The following RAG1 variants were observed in gnomAD, a reference collection of about 807,000 sequenced individuals.
RAG1 encodes the protein recombination activating 1, also known as V(D)J recombination-activating protein 1.
A neutral mutation model predicts 62.7 loss-of-function variants in RAG1; 35 were observed. The observed-to-expected ratio is 0.56, with a 90% CI of 0.43 to 0.74. The LOEUF is 0.74. Ranked by LOEUF, RAG1 falls within the 30% of genes least tolerant of loss-of-function variation. The probability of loss-of-function intolerance (pLI) is 0.00; values close to 1 mark genes in which losing one functional copy is unlikely to be tolerated. For missense variants in RAG1, 1,169 were observed against 1,278.6 expected, an observed-to-expected ratio of 0.91 and a Z score of 1.31; for synonymous variants, 461 against 470.3, an observed-to-expected ratio of 0.98 and a Z score of 0.26.
chr11:36,522,036 T>C (rs1451515762), intron 2 of RAG1, among the ~76,000 whole-genome samples: 2 of 152,114 alleles, frequency 1.3e-5, no homozygotes, highest in African/African-American at 4.8e-5. Context: ...GCATAAAAGT[T>C]TGGAAAATTT....
At chr11:36,514,575 G>A (rs1163127809) in intron 1 of RAG1, among the ~76,000 whole-genome samples, 3 of 152,220 alleles carry the variant, frequency 2.0e-5, no homozygotes, top group Non-Finnish European at 2.9e-5. Context: ...TGTAGAATCA[G>A]TGGGATTTCT....
intron 3 of RAG1, among the ~76,000 whole-genome samples, chr11:36,548,420 A>G (rs1221204050): frequency 6.6e-6 from 1 of 152,240 alleles, no homozygotes; most frequent in African/African-American, 2.4e-5. Flanking sequence ...AACTTCAGCA[A>G]AGTCTCGGGA....
intron 2 of RAG1, among the ~76,000 whole-genome samples, chr11:36,535,049 G>C (rs977271866): frequency 6.6e-6 from 1 of 152,128 alleles, no homozygotes; most frequent in Non-Finnish European, 1.5e-5. Flanking sequence ...CTGGAGGATT[G>C]TTCCATAAAA....
At chr11:36,559,935 G>A (rs900506882) in intron 3 of RAG1, among the ~76,000 whole-genome samples, 22 of 152,116 alleles carry the variant, frequency 1.4e-4, no homozygotes, top group Non-Finnish European at 2.4e-4. Flanking sequence ...GCTTTTTCAC[G>A]TTTCTTGTGT....
At chr11:36,542,211 T>A (rs1850317030) in intron 3 of RAG1, among the ~76,000 whole-genome samples, 1 of 152,188 alleles carries the variant, frequency 6.6e-6, no homozygotes, top group African/African-American at 2.4e-5. Flanking sequence ...CTACTACCAT[T>A]TGATATCATA....
chr11:36,578,622 A>C lies in RAG1; in HGVS notation c.*2186A>C, dbSNP rs1376086779. On this transcript the variant is annotated 3_prime_UTR_variant, in exon 2 of 2. Coordinates refer to ENST00000299440, the MANE Select transcript of RAG1 (RefSeq NM_000448.3). Reference sequence around the variant, plus strand: ...ACACTGTAGGAACTATTTTGAATGCATGTGACTAAGAGCATGATTTATAGC... The same window carrying C: ...ACACTGTAGGAACTATTTTGAATGCCTGTGACTAAGAGCATGATTTATAGC... 6.0e-6 allele frequency: 1 copy of C among 166,988 alleles called. No homozygotes were observed. Among genetic ancestry groups the C allele is most frequent in the Non-Finnish European group, 1.5e-5 (1 of 68,120 alleles). The allele number at this position is 166,988 out of a possible 1,614,324, so 10.3% of individuals were successfully genotyped here. A position where few individuals can be genotyped will look rare whatever the true frequency, so the allele number is the denominator to read the frequency against.
At position 36,550,840 on chromosome 11, in the gene RAG1, A is replaced by G. The variant is rs939013501; in HGVS notation, c.-411-12545A>G. 3.3e-5 allele frequency among the ~76,000 whole-genome samples: 5 copies of G among 152,062 alleles called. No individual in the cohort carries two copies. The South Asian group carries it at 6.2e-4, about 19-fold the overall frequency. The stretch of plus-strand genomic sequence containing the variant: ...AGAGAAAAAAGTGTCCTTTCTCTCT[A>G]TTGTTCATATCAATCCCACAGAAGT... On this transcript the variant is annotated intron_variant and NMD_transcript_variant, in intron 3 of 9. Transcript: ENST00000534663.
rs535606526 is a variant in RAG1, at chr11:36,570,500, T to C, written c.-15+2378T>C. Among the ~76,000 whole-genome samples the C allele has an allele frequency of 1.7e-4, 26 of 152,300 alleles. No homozygotes were observed. The East Asian group carries it at 4.6e-3, about 27-fold the overall frequency. ...ATAAACACAGGAGTGTAGATGTCTC[T>C]GAACATACTGATTTAACTTCCTTTG... is the stretch of plus-strand genomic sequence containing the variant. On this transcript the variant is annotated intron_variant, in intron 1 of 1. Transcript: ENST00000299440.
intron 3 of RAG1, among the ~76,000 whole-genome samples, chr11:36,541,879 C>T (rs1458903779): frequency 6.6e-6 from 1 of 151,978 alleles, no homozygotes; most frequent in East Asian, 1.9e-4. Flanking sequence ...AGCAAGACGA[C>T]CCTAAAAAAA....
At chr11:36,535,242 T>C (rs531292913) in intron 2 of RAG1, among the ~76,000 whole-genome samples, 1 of 152,270 alleles carries the variant, frequency 6.6e-6, no homozygotes, top group East Asian at 1.9e-4. Context: ...AGGTCTATCA[T>C]GTGATCAATT....
At chr11:36,536,457 A>G (rs1236455991), downstream of RAG1, among the ~76,000 whole-genome samples, 1 of 152,144 alleles carries the variant, frequency 6.6e-6, no homozygotes, top group African/African-American at 2.4e-5. Flanking sequence ...TCTAAAATAA[A>G]ACCAAGAAGC....
At chr11:36,529,285 T>C (rs1021735401) in intron 2 of RAG1, among the ~76,000 whole-genome samples, 6 of 152,016 alleles carry the variant, frequency 3.9e-5, no homozygotes, top group African/African-American at 1.4e-4. Flanking sequence ...ATCAAAAAGC[T>C]TTATCCACCA....
At position 36,576,054 on chromosome 11, in the gene RAG1, A is replaced by G; in HGVS notation, c.2750A>G (p.Gln917Arg). The change falls in exon 2 of 2, where the codon CAG (glutamine) becomes CGG (arginine). Residue 917 changes from glutamine to arginine, a missense_variant. Coordinates refer to ENST00000299440, the MANE Select transcript of RAG1 (RefSeq NM_000448.3). The stretch of plus-strand genomic sequence containing the variant: ...CTCTGCCAGTACAGTTTCAATTCAC[A>G]GCGTTTTGCTGAGCTCCTTTCTACG... ...ESLCQYSFNS[Q>R]RFAELLSTKF... 6.2e-7 allele frequency: 1 copy of G among 1,614,108 alleles called. No homozygotes were observed. Among genetic ancestry groups the G allele is most frequent in the South Asian group, 1.1e-5 (1 of 91,084 alleles).
intron 1 of RAG1, chr11:36,519,988 A>G (rs1860053846): frequency 2.6e-5 from 4 of 152,212 alleles, no homozygotes; most frequent in Admixed American, 2.6e-4. Context: ...TAAATTGACT[A>G]CCAATTTAAA....
In RAG1 at chr11:36,574,102, C is replaced by A. The variant is rs141654332; in HGVS notation, c.798C>A (p.Ile266=). ...GCAGCAAGGATGTCATGAAGAAGAT[C>A]GCCAACTGCAGTAAGATACATCTTA... ...RISSKDVMKK[I]ANCSKIHLST... The change falls in exon 2 of 2, where the codon ATC becomes ATA. Residue 266 remains isoleucine (I), a synonymous_variant. Coordinates refer to ENST00000299440, the MANE Select transcript of RAG1 (RefSeq NM_000448.3). 1 of 1,614,156 alleles carries A rather than the reference C, an allele frequency of 6.2e-7. No individual in the cohort carries two copies. Among genetic ancestry groups the A allele is most frequent in the East Asian group, 2.2e-5 (1 of 44,872 alleles).
In RAG1 at chr11:36,575,000, T is replaced by G; in HGVS notation, c.1696T>G (p.Leu566Val). ...AAAGAGGTTCCGCTATGATTCAGCTTTGGTGTCTGCTTTGATGGACATGGA... is the reference window on the plus strand; with the variant it reads ...AAAGAGGTTCCGCTATGATTCAGCTGTGGTGTCTGCTTTGATGGACATGGA... ...IAKRFRYDSALVSALMDMEED... is the reference protein window; with the variant it reads ...IAKRFRYDSAVVSALMDMEED... The change falls in exon 2 of 2, where the codon TTG (leucine) becomes GTG (valine). Residue 566 changes from leucine (L) to valine (V), a missense_variant. By Grantham distance (32) the Leu-to-Val change is conservative. Coordinates refer to ENST00000299440, the MANE Select transcript of RAG1 (RefSeq NM_000448.3). 1 of 1,614,146 alleles carries G rather than the reference T, an allele frequency of 6.2e-7. No homozygotes were observed. The highest frequency in any genetic ancestry group is 8.5e-7 in the Non-Finnish European group (1 of 1,180,024).
chr11:36,531,980 C>G (rs923287574), intron 2 of RAG1, among the ~76,000 whole-genome samples: 3 of 151,888 alleles, frequency 2.0e-5, no homozygotes, highest in African/African-American at 7.2e-5. Context: ...CCACAAAATA[C>G]CTTTTCATTT....
At chr11:36,560,968 C>T (rs115057795) in intron 3 of RAG1, among the ~76,000 whole-genome samples, 476 of 152,328 alleles carry the variant, frequency 3.1e-3, no homozygotes, top group African/African-American at 0.01. Context: ...TTTTGTCCTT[C>T]TTTGTGGAGG....
intron 1 of RAG1, among the ~76,000 whole-genome samples, chr11:36,511,368 G>A (rs1859919357): frequency 6.6e-6 from 1 of 152,128 alleles, no homozygotes; most frequent in Admixed American, 6.6e-5. Context: ...GTGGGAGGAT[G>A]GCTTGAGCCC....
Sources: allele counts gnomAD v4.1 joint callset (sites outside exome capture counted in the v4.1 genomes callset), GRCh38; gene constraint gnomAD v4.1.1; transcripts MANE v1.5; gene names NCBI Gene and HGNC (gene_info 2026-07-23, HGNC 2026-07-21).